HPSE2: variants seen among roughly 807,000 people sequenced by gnomAD.
The protein encoded by HPSE2 is heparanase 2 (inactive), also known as inactive heparanase-2.
In HPSE2, 38 loss-of-function variants were observed where a neutral mutation model predicts 60.5. The ratio of observed to expected loss-of-function variants is 0.63; its 90% CI spans 0.48 to 0.82. The LOEUF (loss-of-function observed/expected upper bound fraction) is 0.82. Ranked by LOEUF, HPSE2 falls within the 40% of genes least tolerant of loss-of-function variation. The probability of loss-of-function intolerance (pLI) is 0.00; values close to 1 mark genes in which losing one functional copy is unlikely to be tolerated. For synonymous variants in HPSE2, 295 were observed against 293.2 expected, an observed-to-expected ratio of 1.01 and a Z score of -0.06; for missense variants, 713 against 740.4, an observed-to-expected ratio of 0.96 and a Z score of 0.43.
At chr10:98,963,603 C>G (rs557489137) in intron 3 of HPSE2, among the ~76,000 whole-genome samples, 5 of 152,218 alleles carry the variant, frequency 3.3e-5, no homozygotes, top group African/African-American at 1.2e-4. Context: ...TATATGCCAG[C>G]CACATGAATG....
intron 6 of HPSE2, among the ~76,000 whole-genome samples, chr10:98,674,136 A>G (rs1056962797): frequency 1.3e-5 from 2 of 152,130 alleles, no homozygotes; most frequent in African/African-American, 2.4e-5. Context: ...CTACAACAAT[A>G]TTTGGCACAT....
At chr10:99,039,066 T>C (rs1281734431) in intron 3 of HPSE2, among the ~76,000 whole-genome samples, 1 of 152,166 alleles carries the variant, frequency 6.6e-6, no homozygotes, top group Non-Finnish European at 1.5e-5. Context: ...AGCTGTAGTT[T>C]ACTAGTTTCC....
chr10:98,713,077 C>T lies in HPSE2; in HGVS notation c.956+8580G>A, dbSNP rs554114819. Reference sequence around the variant, plus strand: ...AAGCACTCTGATGGATGAGAAGAAACCAGTCATGTGGGGAGGAGACTGCTC... The same window carrying T: ...AAGCACTCTGATGGATGAGAAGAAATCAGTCATGTGGGGAGGAGACTGCTC... On this transcript the variant is annotated intron_variant, in intron 5 of 11. Coordinates refer to ENST00000370552, the MANE Select transcript of HPSE2 (RefSeq NM_021828.5). Among the ~76,000 whole-genome samples the T allele has an allele frequency of 1.2e-3, 179 of 152,052 alleles. 2 individuals are homozygous for T. Among genetic ancestry groups the T allele is most frequent in the Middle Eastern group, 6.8e-3 (2 of 294 alleles).
chr10:98,562,542 C>A (rs796290242), intron 9 of HPSE2, among the ~76,000 whole-genome samples: 4 of 151,926 alleles, frequency 2.6e-5, no homozygotes, highest in African/African-American at 9.7e-5. Context: ...AGGTGAAACC[C>A]CATCTGTACT....
intron 10 of HPSE2, among the ~76,000 whole-genome samples, chr10:98,487,709 A>G (rs1186565848): frequency 6.6e-6 from 1 of 152,196 alleles, no homozygotes. Flanking sequence ...ACCTGGGACA[A>G]ATATTTTCAG....
chr10:98,524,394 G>T (rs1482961713), intron 9 of HPSE2, among the ~76,000 whole-genome samples: 1 of 152,124 alleles, frequency 6.6e-6, no homozygotes, highest in Non-Finnish European at 1.5e-5. Flanking sequence ...GTGTAAGTAG[G>T]GAGTGGTGGG....
chr10:99,203,699 G>A (rs1589816724), intron 2 of HPSE2, among the ~76,000 whole-genome samples: 1 of 152,156 alleles, frequency 6.6e-6, no homozygotes, highest in African/African-American at 2.4e-5. Context: ...CTACCATCCA[G>A]GCCAGCACCC....
rs1038094804 is a variant in HPSE2 at position 98,939,921 on chromosome 10, A to T, written c.611-195865T>A. Among the ~76,000 whole-genome samples, 5 of 144,072 alleles carry T rather than the reference A, an allele frequency of 3.5e-5. 1 individual carries two copies. The highest frequency in any genetic ancestry group is 1.1e-4 in the African/African-American group (4 of 35,424). 94.5% of individuals were successfully genotyped at this position (144,072 alleles called of 152,430 possible). A position where few individuals can be genotyped will look rare whatever the true frequency, so the allele number is the denominator to read the frequency against. On this transcript the variant is annotated intron_variant, in intron 3 of 11. Transcript: ENST00000370552. Reference sequence around the variant, plus strand: ...TGCAATCAAACTAGAACTCAGGATTAAGAAACTCACTCAAAACCGCTCAAC... The same window carrying T: ...TGCAATCAAACTAGAACTCAGGATTTAGAAACTCACTCAAAACCGCTCAAC...
At chr10:98,587,519 CACATGTCCCTA>C (rs1944970952) in intron 9 of HPSE2, among the ~76,000 whole-genome samples, 1 of 152,166 alleles carries the variant, frequency 6.6e-6, no homozygotes, top group Admixed American at 6.6e-5. Flanking sequence ...GAAAATTTTC[CACATGTCCCTA>C]GCATGCCCTT....
intron 11 of HPSE2, among the ~76,000 whole-genome samples, chr10:98,478,329 T>A (rs1424318670): frequency 1.3e-5 from 2 of 152,122 alleles, no homozygotes; most frequent in Non-Finnish European, 2.9e-5. Context: ...AGCCTCTTTG[T>A]GTGGCCTCTT....
intron 7 of HPSE2, among the ~76,000 whole-genome samples, chr10:98,632,393 T>G (rs893645111): frequency 1.3e-5 from 2 of 152,182 alleles, no homozygotes; most frequent in Admixed American, 1.3e-4. Flanking sequence ...TGTTATTAAA[T>G]TAATGGTGAA....
At chr10:98,812,768 T>C (rs1951197495) in intron 3 of HPSE2, among the ~76,000 whole-genome samples, 1 of 152,232 alleles carries the variant, frequency 6.6e-6, no homozygotes, top group Non-Finnish European at 1.5e-5. Flanking sequence ...TAAGCAATAT[T>C]GCTCAACTTC....
chr10:98,529,897 C>G (rs1943079467), intron 9 of HPSE2, among the ~76,000 whole-genome samples: 1 of 152,216 alleles, frequency 6.6e-6, no homozygotes, highest in Admixed American at 6.5e-5. Flanking sequence ...CTAACTTTCA[C>G]CTGGATTTAG....
intron 3 of HPSE2, among the ~76,000 whole-genome samples, chr10:98,921,296 A>C (rs1359132419): frequency 6.6e-6 from 1 of 152,140 alleles, no homozygotes; most frequent in Non-Finnish European, 1.5e-5. Context: ...ATCTGCTCTG[A>C]GAATAAATGG....
chr10:99,074,059 G>T (rs1842883844), intron 3 of HPSE2, among the ~76,000 whole-genome samples: 1 of 138,834 alleles, frequency 7.2e-6, no homozygotes. Context: ...TCTTTTTCTT[G>T]CCTATTTGCT....
rs75056422 is a variant in HPSE2 at position 98,570,919 on chromosome 10, C to T, written c.1320+43985G>A. On this transcript the variant is annotated intron_variant, in intron 9 of 11. Coordinates refer to ENST00000370552, the MANE Select transcript of HPSE2 (RefSeq NM_021828.5). ...TGTTAGTTATTGCATGTTTAAAGTTCGTAGTGCTGCACAGTGTAGAAACTC... is the reference window on the plus strand; with the variant it reads ...TGTTAGTTATTGCATGTTTAAAGTTTGTAGTGCTGCACAGTGTAGAAACTC... Among the ~76,000 whole-genome samples, 4 of 152,090 alleles carry T rather than the reference C, an allele frequency of 2.6e-5. No individual in the cohort carries two copies. The East Asian group carries it at 5.8e-4, about 22-fold the overall frequency.
At chr10:98,544,700 G>A (rs1337282445) in intron 9 of HPSE2, among the ~76,000 whole-genome samples, 87 of 98,100 alleles carry the variant, frequency 8.9e-4, no homozygotes, top group African/African-American at 3.1e-3. Flanking sequence ...GCGACAGAGC[G>A]AGACTCCGTC....
intron 3 of HPSE2, among the ~76,000 whole-genome samples, chr10:98,924,132 G>A (rs7075240): frequency 0.15 from 23,374 of 152,224 alleles, 2,721 homozygotes; most frequent in African/African-American, 0.32. Flanking sequence ...AGGTACTGCT[G>A]TGGTGGTTGT....
At chr10:98,707,837 T>C (rs1172309080) in intron 5 of HPSE2, among the ~76,000 whole-genome samples, 1 of 152,264 alleles carries the variant, frequency 6.6e-6, no homozygotes, top group East Asian at 1.9e-4. Context: ...ACAAAACCAT[T>C]CTAACATTCA....
Sources: gnomAD v4.1 joint callset for allele counts (sites outside exome capture counted in the v4.1 genomes callset) on GRCh38, gnomAD v4.1.1 for gene constraint, MANE v1.5 for transcripts, NCBI Gene and HGNC (gene_info 2026-07-23, HGNC 2026-07-21) for gene names.